The following FGF2 variants were observed in gnomAD, a reference collection of about 807,000 sequenced individuals.
The protein encoded by FGF2 is basic fibroblast growth factor bFGF.
FGF2 carries 13 observed loss-of-function variants against 15.9 expected under a neutral mutation model. That is an observed-to-expected ratio of 0.82 (90% CI 0.53 to 1.30). FGF2 has a LOEUF of 1.30. Among genes scored for constraint, FGF2 ranks in the 50% most tolerant of loss-of-function variants. FGF2 has a pLI of 0.00. For synonymous variants in FGF2, 90 were observed against 78.4 expected, an observed-to-expected ratio of 1.15 and a Z score of -0.78; for missense variants, 163 against 196.9, an observed-to-expected ratio of 0.83 and a Z score of 1.03.
intron 1 of FGF2, among the ~76,000 whole-genome samples, chr4:122,842,671 A>C (rs1726014240): frequency 6.6e-6 from 1 of 152,184 alleles, no homozygotes; most frequent in Non-Finnish European, 1.5e-5. Context: ...TGTGGTAACT[A>C]TGTTGGGTCT....
chr4:122,880,527 C>T (rs775414574), intron 2 of FGF2, among the ~76,000 whole-genome samples: 5 of 152,092 alleles, frequency 3.3e-5, no homozygotes, highest in Non-Finnish European at 7.4e-5. Context: ...GGATTACAGG[C>T]GTGAGCCACT....
intron 1 of FGF2, 56 bp from the exon 2 acceptor site, chr4:122,876,254 CGTAAATATTGT>C: frequency 1.0e-6 from 1 of 956,572 alleles, no homozygotes; most frequent in Non-Finnish European, 1.7e-6. Context: ...CTTTATATTG[CGTAAATATTGT>C]GAAGAAGGCT....
At chr4:122,842,249 CAG>C (rs1471143184) in intron 1 of FGF2, among the ~76,000 whole-genome samples, 1 of 152,184 alleles carries the variant, frequency 6.6e-6, no homozygotes, top group East Asian at 1.9e-4. Context: ...TTCCTCCAGA[CAG>C]AGAGTTTTAA....
At chr4:122,842,455 C>T (rs1428738200) in intron 1 of FGF2, among the ~76,000 whole-genome samples, 2 of 152,086 alleles carry the variant, frequency 1.3e-5, no homozygotes, top group Non-Finnish European at 2.9e-5. Flanking sequence ...GGGAGAGAAC[C>T]AATTTGAACC....
chr4:122,833,752 T>G (rs1317999712), intron 1 of FGF2, among the ~76,000 whole-genome samples: 1 of 152,214 alleles, frequency 6.6e-6, no homozygotes, highest in Non-Finnish European at 1.5e-5. Context: ...TGGTCAAAGT[T>G]TACAGTTTTC....
intron 1 of FGF2, among the ~76,000 whole-genome samples, chr4:122,832,617 A>C (rs186267318): frequency 4.1e-4 from 62 of 152,112 alleles, no homozygotes; most frequent in African/African-American, 1.4e-3. Context: ...TTTATTTTTG[A>C]GTTTGTCCTT....
At chr4:122,861,599 C>T (rs1321967112) in intron 1 of FGF2, among the ~76,000 whole-genome samples, 1 of 151,632 alleles carries the variant, frequency 6.6e-6, no homozygotes, top group Non-Finnish European at 1.5e-5. Flanking sequence ...TGTCCACTCC[C>T]ACAGTTGGTG....
chr4:122,844,254 G>A (rs1034301998), intron 1 of FGF2, among the ~76,000 whole-genome samples: 1 of 152,170 alleles, frequency 6.6e-6, no homozygotes, highest in African/African-American at 2.4e-5. Context: ...CTAAGAAGCA[G>A]CTCCTCATCT....
intron 2 of FGF2, among the ~76,000 whole-genome samples, chr4:122,889,680 C>T (rs1727129287): frequency 6.6e-6 from 1 of 151,724 alleles, no homozygotes; most frequent in African/African-American, 2.4e-5. Context: ...TGTAAGTTTC[C>T]TTCCCTCCAC....
At chr4:122,869,235 G>A (rs1482586308) in intron 1 of FGF2, among the ~76,000 whole-genome samples, 1 of 152,156 alleles carries the variant, frequency 6.6e-6, no homozygotes, top group African/African-American at 2.4e-5. Context: ...TTTGGTTACT[G>A]CAGCCTTGTA....
Position 122,892,472 on chromosome 4 carries a change from G to T in FGF2, c.*76G>T. 1.2e-6 allele frequency: 2 copies of T among 1,603,818 alleles called. No individual in the cohort carries two copies. Among genetic ancestry groups the T allele is most frequent in the Non-Finnish European group, 8.5e-7 (1 of 1,173,344 alleles). On this transcript the variant is annotated 3_prime_UTR_variant, in exon 3 of 3. Transcript: ENST00000644866. ...TAGAAATTTGTTAATGAGAGTAAAAGAAAATAAATGTGTATAGCTCAGTTT... is the reference window on the plus strand; with the variant it reads ...TAGAAATTTGTTAATGAGAGTAAAATAAAATAAATGTGTATAGCTCAGTTT...
chr4:122,844,592 TTC>T (rs1726068535), intron 1 of FGF2, among the ~76,000 whole-genome samples: 2 of 126,506 alleles, frequency 1.6e-5, no homozygotes, highest in African/African-American at 2.7e-5. Context: ...TCTTTCTTCC[TTC>T]CTTCCTTCCT....
intron 2 of FGF2, chr4:122,884,773 T>C (rs979432982): frequency 6.6e-6 from 1 of 151,666 alleles, no homozygotes; most frequent in African/African-American, 2.4e-5. Flanking sequence ...TGGACTAGTA[T>C]TGTGAGGCCG....
In FGF2 at chr4:122,894,068, C is replaced by G. The variant is rs1727274654; in HGVS notation, c.*1672C>G. The stretch of plus-strand genomic sequence containing the variant: ...AAGAGGAAGTCACAGAAACATGTCT[C>G]AATTCCCATGTGCTGTGACTGTAGA... On this transcript the variant is annotated 3_prime_UTR_variant, in exon 3 of 3. Coordinates refer to ENST00000644866, the MANE Select transcript of FGF2 (RefSeq NM_001361665.2). 6.6e-6 allele frequency: 1 copy of G among 152,228 alleles called. No individual in the cohort carries two copies. Among genetic ancestry groups the G allele is most frequent in the Non-Finnish European group, 1.5e-5 (1 of 68,040 alleles). The allele number at this position is 152,228 out of a possible 1,614,324, so 9.4% of individuals were successfully genotyped here.
At chr4:122,870,378 G>T (rs374781270) in intron 1 of FGF2, among the ~76,000 whole-genome samples, 236 of 152,284 alleles carry the variant, frequency 1.5e-3, no homozygotes, top group Non-Finnish European at 2.4e-3. Flanking sequence ...CTTTTCAATT[G>T]TTTGGAATAG....
At chr4:122,856,813 G>A (rs187553659) in intron 1 of FGF2, among the ~76,000 whole-genome samples, 2 of 152,010 alleles carry the variant, frequency 1.3e-5, no homozygotes, top group African/African-American at 4.8e-5. Flanking sequence ...CCATCATCAC[G>A]GTGATTCCTC....
At chr4:122,835,642 A>G (rs1415660281) in intron 1 of FGF2, among the ~76,000 whole-genome samples, 1 of 151,824 alleles carries the variant, frequency 6.6e-6, no homozygotes, top group Non-Finnish European at 1.5e-5. Flanking sequence ...GCCTTTCTCT[A>G]CTTCTTTCGT....
chr4:122,844,553 CTCTTT>C, intron 1 of FGF2, among the ~76,000 whole-genome samples: 1 of 144,586 alleles, frequency 6.9e-6, no homozygotes, highest in East Asian at 2.0e-4. Context: ...TTCTTTCTTT[CTCTTT>C]TTCTTTCTTT....
chr4:122,869,177 T>C (rs760657611), intron 1 of FGF2, among the ~76,000 whole-genome samples: 3 of 152,186 alleles, frequency 2.0e-5, no homozygotes, highest in Admixed American at 6.5e-5. Context: ...AGGTCTCTGC[T>C]CTGCTCCATT....
Sources: gnomAD v4.1 joint callset for allele counts (sites outside exome capture counted in the v4.1 genomes callset) on GRCh38, gnomAD v4.1.1 for gene constraint, MANE v1.5 for transcripts, NCBI Gene and HGNC (gene_info 2026-07-23, HGNC 2026-07-21) for gene names.